Variants in KCNIP4 observed in about 807,000 individuals in gnomAD.
KCNIP4 encodes potassium voltage-gated channel interacting protein 4, also known as Kv channel-interacting protein 4.
A neutral mutation model predicts 34.0 loss-of-function variants in KCNIP4; 12 were observed. The ratio of observed to expected loss-of-function variants is 0.35; its 90% CI spans 0.23 to 0.57. The LOEUF (loss-of-function observed/expected upper bound fraction) is 0.57, where lower values mean the gene tolerates loss of function less well. Ranked by LOEUF, KCNIP4 falls within the 20% of genes least tolerant of loss-of-function variation. The pLI, the probability that KCNIP4 is intolerant of heterozygous loss-of-function variation, is 0.83. For missense variants in KCNIP4, 238 were observed against 311.7 expected (o/e 0.76, Z 1.78); for synonymous variants, 124 against 102.2 (o/e 1.21, Z -1.29).
chr4:21,924,916 T>C (rs1729150358), intron 1 of KCNIP4, among the ~76,000 whole-genome samples: 1 of 152,092 alleles, frequency 6.6e-6, no homozygotes, highest in Non-Finnish European at 1.5e-5. Flanking sequence ...TCTGCTGCTC[T>C]TAAGCGAATG....
chr4:21,475,568 A>G (rs1730881718), intron 1 of KCNIP4, among the ~76,000 whole-genome samples: 1 of 152,208 alleles, frequency 6.6e-6, no homozygotes, highest in Admixed American at 6.5e-5. Context: ...AGACACTTAG[A>G]GCATATATTT....
chr4:21,055,838 T>A (rs562041951), intron 1 of KCNIP4, among the ~76,000 whole-genome samples: 1 of 152,190 alleles, frequency 6.6e-6, no homozygotes, highest in Non-Finnish European at 1.5e-5. Flanking sequence ...TAAAAAATAC[T>A]CTGTATGATA....
At chr4:21,618,675 C>T (rs1408548878) in intron 1 of KCNIP4, among the ~76,000 whole-genome samples, 13 of 136,892 alleles carry the variant, frequency 9.5e-5, no homozygotes, top group Non-Finnish European at 2.0e-4. Context: ...CTCAGTCGCC[C>T]GGGCTGGAGT....
intron 1 of KCNIP4, among the ~76,000 whole-genome samples, chr4:21,137,982 C>T (rs1751641423): frequency 6.7e-6 from 1 of 148,890 alleles, no homozygotes; most frequent in African/African-American, 2.5e-5. Context: ...AGTGATTCTC[C>T]TTCCTCAGCC....
intron 1 of KCNIP4, among the ~76,000 whole-genome samples, chr4:21,292,597 G>A (rs114587453): frequency 0.022 from 3,411 of 152,084 alleles, 67 homozygotes; most frequent in Non-Finnish European, 0.037. Context: ...ACATTTGCTC[G>A]GTAAATTCAC....
rs145311765 is a variant in KCNIP4 at position 21,240,884 on chromosome 4, C to G, written c.62-358175G>C. On this transcript the variant is annotated intron_variant, in intron 1 of 8. Transcript: ENST00000382152. Reference sequence around the variant, plus strand: ...GCTTTAATGTTGAAGTTTTTCTTCTCAAAGTCTACTGTAAAAAATTAATGA... The same window carrying G: ...GCTTTAATGTTGAAGTTTTTCTTCTGAAAGTCTACTGTAAAAAATTAATGA... 1.6e-3 allele frequency among the ~76,000 whole-genome samples: 249 copies of G among 152,200 alleles called. 2 individuals carry two copies. Among genetic ancestry groups the G allele is most frequent in the African/African-American group, 5.7e-3 (235 of 41,560 alleles).
At chr4:21,560,768 A>G (rs358840) in intron 1 of KCNIP4, among the ~76,000 whole-genome samples, 43,016 of 151,946 alleles carry the variant, frequency 0.28, 6,295 homozygotes, top group Admixed American at 0.39. Flanking sequence ...AGAGGTTAAT[A>G]AAGTTGGGCA....
intron 1 of KCNIP4, among the ~76,000 whole-genome samples, chr4:20,953,395 G>A (rs1296157047): frequency 1.3e-5 from 2 of 152,156 alleles, no homozygotes; most frequent in African/African-American, 2.4e-5. Context: ...AAATGGACCG[G>A]GTGCAGTGGC....
intron 1 of KCNIP4, among the ~76,000 whole-genome samples, chr4:20,972,656 A>T (rs541807659): frequency 3.9e-5 from 6 of 152,230 alleles, no homozygotes; most frequent in Admixed American, 6.5e-5. Flanking sequence ...AGTTTTTTTT[A>T]AAAGTAGTGC....
rs547146593 is a variant in KCNIP4 at position 21,563,292 on chromosome 4, G to A, written c.61+385279C>T. ...GTTTTAAACTTTCTGTGTGTTTGAA[G>A]CATTTCTCCAAAAACATGATGATGG... On this transcript the variant is annotated intron_variant, in intron 1 of 8. Coordinates refer to ENST00000382152, the MANE Select transcript of KCNIP4 (RefSeq NM_025221.6). Among the ~76,000 whole-genome samples, 11 of 152,150 alleles carry A rather than the reference G, an allele frequency of 7.2e-5. No homozygotes were observed. In the East Asian group the frequency reaches 2.1e-3, roughly 29 times the overall value.
At chr4:21,802,762 A>T (rs1721075819) in intron 1 of KCNIP4, among the ~76,000 whole-genome samples, 1 of 152,172 alleles carries the variant, frequency 6.6e-6, no homozygotes, top group African/African-American at 2.4e-5. Flanking sequence ...AAAAATAAAG[A>T]CACGGTTCCA....
At chr4:21,665,516 C>T (rs1296479374) in intron 1 of KCNIP4, among the ~76,000 whole-genome samples, 1 of 149,950 alleles carries the variant, frequency 6.7e-6, no homozygotes, top group Non-Finnish European at 1.5e-5. Flanking sequence ...AGGGCACCCC[C>T]CCCCCCTCAT....
chr4:21,549,237 C>T (rs571348217), intron 1 of KCNIP4, among the ~76,000 whole-genome samples: 1 of 152,070 alleles, frequency 6.6e-6, no homozygotes, highest in South Asian at 2.1e-4. Flanking sequence ...TTAATTTTCA[C>T]AAAAGTCAAA....
intron 1 of KCNIP4, among the ~76,000 whole-genome samples, chr4:21,054,007 T>C (rs1271854902): frequency 1.4e-5 from 1 of 69,428 alleles, no homozygotes; most frequent in Non-Finnish European, 2.9e-5. Flanking sequence ...ATTGACAAAA[T>C]GATTTTGTAG....
intron 1 of KCNIP4, among the ~76,000 whole-genome samples, chr4:21,249,251 T>C (rs1760513840): frequency 6.6e-6 from 1 of 151,996 alleles, no homozygotes; most frequent in Non-Finnish European, 1.5e-5. Context: ...CATATAACCA[T>C]ATCAAAAACA....
chr4:21,577,409 C>T (rs1740827321), intron 1 of KCNIP4, among the ~76,000 whole-genome samples: 1 of 152,078 alleles, frequency 6.6e-6, no homozygotes, highest in African/African-American at 2.4e-5. Context: ...GTGGGCAGAC[C>T]ACCTGAGGTC....
At position 21,291,898 on chromosome 4, in the gene KCNIP4, AG is replaced by A. The variant is rs1485790511; in HGVS notation, c.62-409190del. Among the ~76,000 whole-genome samples, 24 of 67,744 alleles carry A rather than the reference AG, an allele frequency of 3.5e-4. 4 individuals are homozygous for A. The highest frequency in any genetic ancestry group is 2.3e-3 in the African/African-American group (22 of 9,366). 44.4% of individuals were successfully genotyped at this position (67,744 alleles called of 152,430 possible). The stretch of plus-strand genomic sequence containing the variant: ...AAGAAAGAAAGAAAGAAAGAAAGAA[AG>A]AAAGAAAGAAAGAAAGAAAGAAAGA... On this transcript the variant is annotated intron_variant, in intron 1 of 8. Coordinates refer to ENST00000382152, the MANE Select transcript of KCNIP4 (RefSeq NM_025221.6).
At chr4:21,607,935 G>A (rs1313927143) in intron 1 of KCNIP4, among the ~76,000 whole-genome samples, 1 of 152,064 alleles carries the variant, frequency 6.6e-6, no homozygotes, top group East Asian at 1.9e-4. Flanking sequence ...CTGAGAACTG[G>A]GGAGCTGAGA....
intron 1 of KCNIP4, among the ~76,000 whole-genome samples, chr4:20,978,576 A>C (rs1253625072): frequency 6.6e-6 from 1 of 152,180 alleles, no homozygotes; most frequent in African/African-American, 2.4e-5. Context: ...TACCTCACCC[A>C]GCGTTTTACA....
Sources: gnomAD v4.1 joint callset for allele counts (sites outside exome capture counted in the v4.1 genomes callset) on GRCh38, gnomAD v4.1.1 for gene constraint, MANE v1.5 for transcripts, NCBI Gene and HGNC (gene_info 2026-07-23, HGNC 2026-07-21) for gene names.